The following TRIM33 variants were observed in gnomAD, a reference collection of about 807,000 sequenced individuals.
TRIM33 encodes the protein E3 ubiquitin-protein ligase TRIM33.
In TRIM33, 20 loss-of-function variants were observed where a neutral mutation model predicts 125.4. The observed-to-expected ratio is 0.16, with a 90% CI of 0.11 to 0.23. The LOEUF is 0.23. Ranked by LOEUF, TRIM33 falls within the 10% of genes least tolerant of loss-of-function variation. The probability of loss-of-function intolerance (pLI) is 1.00; values close to 1 mark genes in which losing one functional copy is unlikely to be tolerated. For synonymous variants in TRIM33, 564 were observed against 513.9 expected (o/e 1.10, Z -1.32); for missense variants, 920 against 1,411.4 (o/e 0.65, Z 5.58).
intron 18 of TRIM33, among the ~76,000 whole-genome samples, chr1:114,398,300 G>A (rs2101074975): frequency 6.6e-6 from 1 of 152,248 alleles, no homozygotes; most frequent in South Asian, 2.1e-4. Flanking sequence ...TATTATACAA[G>A]AAACGTTGCT....
At chr1:114,479,716 C>A (rs1188305024) in intron 1 of TRIM33, among the ~76,000 whole-genome samples, 1 of 151,448 alleles carries the variant, frequency 6.6e-6, no homozygotes, top group Non-Finnish European at 1.5e-5. Context: ...TACAGTGGAA[C>A]AAAGTTGCTA....
chr1:114,503,416 C>T (rs968943199), intron 1 of TRIM33, among the ~76,000 whole-genome samples: 1 of 152,064 alleles, frequency 6.6e-6, no homozygotes, highest in East Asian at 1.9e-4. Flanking sequence ...AGGCGGAGGT[C>T]GCGGTGAGCC....
chr1:114,498,724 G>T (rs1053248233), intron 1 of TRIM33, among the ~76,000 whole-genome samples: 1 of 152,092 alleles, frequency 6.6e-6, no homozygotes, highest in African/African-American at 2.4e-5. Flanking sequence ...AGTGGAGCAA[G>T]AAAACAAAGG....
rs1443391029 is a variant in TRIM33 at position 114,395,655 on chromosome 1, T to C, written c.*1993A>G. 2 of 195,070 alleles carry C rather than the reference T, an allele frequency of 1.0e-5. No individual in the cohort carries two copies. The highest frequency in any genetic ancestry group is 2.1e-5 in the Non-Finnish European group (2 of 93,822). 12.1% of individuals were successfully genotyped at this position (195,070 alleles called of 1,614,324 possible). A position where few individuals can be genotyped will look rare whatever the true frequency, so the allele number is the denominator to read the frequency against. ...AAATTGGCATAGGCATAAGTATTTT[T>C]AAATAATTTTCTCCCTCTTATTAAA... On this transcript the variant is annotated 3_prime_UTR_variant, in exon 20 of 20. Transcript: ENST00000358465.
chr1:114,431,164 G>T (rs1393610152), intron 5 of TRIM33, among the ~76,000 whole-genome samples: 1 of 152,144 alleles, frequency 6.6e-6, no homozygotes, highest in African/African-American at 2.4e-5. Flanking sequence ...AAGCTGGATG[G>T]CAATCTACTT....
chr1:114,427,319 A>G (rs756903978), intron 7 of TRIM33, 25 bp from the exon 8 acceptor site: 1 of 1,211,942 alleles, frequency 8.3e-7, no homozygotes, highest in East Asian at 2.4e-5. Flanking sequence ...AATCCACATT[A>G]GTCTCAAAAT....
At chr1:114,500,308 T>C (rs936891424) in intron 1 of TRIM33, among the ~76,000 whole-genome samples, 1 of 152,092 alleles carries the variant, frequency 6.6e-6, no homozygotes, top group Non-Finnish European at 1.5e-5. Flanking sequence ...ACTGACAGGT[T>C]TTTTGTTGTC....
chr1:114,400,048 TAGTAAC>T (rs1424235381), intron 17 of TRIM33, among the ~76,000 whole-genome samples: 1 of 152,188 alleles, frequency 6.6e-6, no homozygotes, highest in Non-Finnish European at 1.5e-5. Context: ...AGTCTTGACT[TAGTAAC>T]AGAGGAAGTA....
At chr1:114,425,363 G>C in intron 9 of TRIM33, 86 bp downstream of exon 9, 1 of 1,519,188 alleles carries the variant, frequency 6.6e-7, no homozygotes, top group Non-Finnish European at 8.9e-7. Context: ...TAGTAACTTT[G>C]AAATGTGTAA....
intron 1 of TRIM33, among the ~76,000 whole-genome samples, chr1:114,491,327 T>C (rs1652050231): frequency 6.6e-6 from 1 of 152,204 alleles, no homozygotes; most frequent in Non-Finnish European, 1.5e-5. Context: ...TCGATTCTCA[T>C]CATTTATAGT....
At chr1:114,422,115 T>C (rs1366375576) in intron 10 of TRIM33, among the ~76,000 whole-genome samples, 1 of 152,194 alleles carries the variant, frequency 6.6e-6, no homozygotes, top group Non-Finnish European at 1.5e-5. Flanking sequence ...AATCACATAA[T>C]CTCAGTCATT....
chr1:114,408,621 A>T, intron 13 of TRIM33, 56 bp downstream of exon 13: 1 of 1,107,498 alleles, frequency 9.0e-7, no homozygotes, highest in Non-Finnish European at 1.3e-6. Context: ...CTTTTATTAT[A>T]CATATTTGCT....
At chr1:114,502,825 CTT>C (rs1652791044) in intron 1 of TRIM33, among the ~76,000 whole-genome samples, 2 of 152,072 alleles carry the variant, frequency 1.3e-5, no homozygotes, top group Admixed American at 6.6e-5. Flanking sequence ...TTAAACAACA[CTT>C]TTAAAAATCA....
chr1:114,437,531 G>A (rs1648383153), intron 4 of TRIM33, among the ~76,000 whole-genome samples: 1 of 152,048 alleles, frequency 6.6e-6, no homozygotes. Flanking sequence ...TAGAGATGGG[G>A]CGTCACCATG....
chr1:114,491,979 G>T (rs1570660926), intron 1 of TRIM33, among the ~76,000 whole-genome samples: 1 of 152,236 alleles, frequency 6.6e-6, no homozygotes, highest in South Asian at 2.1e-4. Context: ...TACATTTAGG[G>T]CCATTTGAAG....
At chr1:114,465,145 AC>A (rs1650214630) in intron 1 of TRIM33, among the ~76,000 whole-genome samples, 1 of 152,344 alleles carries the variant, frequency 6.6e-6, no homozygotes, top group Non-Finnish European at 1.5e-5. Flanking sequence ...GGTTAGAGAT[AC>A]TTGAATACAT....
intron 11 of TRIM33, among the ~76,000 whole-genome samples, chr1:114,411,295 T>C (rs2101111921): frequency 6.6e-6 from 1 of 152,232 alleles, no homozygotes; most frequent in Admixed American, 6.5e-5. Flanking sequence ...TCTGCACACC[T>C]TAGTCTCCCA....
chr1:114,483,712 C>A (rs1651494417), intron 1 of TRIM33, among the ~76,000 whole-genome samples: 1 of 152,092 alleles, frequency 6.6e-6, no homozygotes, highest in African/African-American at 2.4e-5. Context: ...GTGCCCGGCC[C>A]CAGTTGGTTT....
chr1:114,418,738 C>A (rs902885444), intron 11 of TRIM33, among the ~76,000 whole-genome samples: 4 of 152,130 alleles, frequency 2.6e-5, no homozygotes, highest in African/African-American at 9.7e-5. Flanking sequence ...TCTCGCATGT[C>A]TGACACTGAC....
Sources: gnomAD v4.1 joint callset for allele counts (sites outside exome capture counted in the v4.1 genomes callset) on GRCh38, gnomAD v4.1.1 for gene constraint, MANE v1.5 for transcripts, NCBI Gene and HGNC (gene_info 2026-07-23, HGNC 2026-07-21) for gene names.